The following CES2 variants were observed in gnomAD, a reference collection of about 807,000 sequenced individuals.
CES2 encodes cocaine esterase.
In CES2, 42 loss-of-function variants were observed where a neutral mutation model predicts 52.1. That is an observed-to-expected ratio of 0.81 (90% CI 0.63 to 1.04). The LOEUF is 1.04. Among genes scored for constraint, CES2 ranks in the 50% least tolerant of loss-of-function variants. The probability of loss-of-function intolerance (pLI) is 0.00; values close to 1 mark genes in which losing one functional copy is unlikely to be tolerated. For missense variants in CES2, 656 were observed against 724.3 expected (o/e 0.91, Z 1.08); for synonymous variants, 277 against 289.6 (o/e 0.96, Z 0.44).
At position 66,943,512 on chromosome 16, in the gene CES2, TCAGA is replaced by T. The variant is rs1485796636; in HGVS notation, c.1493+145_1493+148del. 1.4e-5 allele frequency: 12 copies of T among 845,724 alleles called. No individual in the cohort carries two copies. The highest frequency in any genetic ancestry group is 2.1e-5 in the Non-Finnish European group (11 of 530,230). 52.4% of individuals were successfully genotyped at this position (845,724 alleles called of 1,614,324 possible). A position where few individuals can be genotyped will look rare whatever the true frequency, so the allele number is the denominator to read the frequency against. ...CCCCTTCCCCAGCTCCGGGACCCAC[TCAGA>T]CAGGGTGGGGGTGCGTGGGGCAGTG... On this transcript the variant is annotated intron_variant, in intron 11 of 11. Transcript: ENST00000317091. This position sits in a 1 kb window ranked among gnomAD's most constrained non-coding sequence, Gnocchi z 4.2.
rs113299322 is a variant in CES2 at position 66,935,975 on chromosome 16, G to A, written c.76+264G>A. ...CAGGAGCGCCGGGACATGCCAGGCC[G>A]GGTAGGCAGCCTGGGGTCGGAGTGG... On this transcript the variant is annotated intron_variant, in intron 1 of 11. Coordinates refer to ENST00000317091, the MANE Select transcript of CES2 (RefSeq NM_001365405.1). 24 of 1,398,722 alleles carry A rather than the reference G, an allele frequency of 1.7e-5. No homozygotes were observed. The South Asian group carries it at 2.9e-4, about 17-fold the overall frequency. The allele number at this position is 1,398,722 out of a possible 1,614,324, so 86.6% of individuals were successfully genotyped here. A position where few individuals can be genotyped will look rare whatever the true frequency, so the allele number is the denominator to read the frequency against.
chr16:66,935,852 C>T (rs1232888453), intron 1 of CES2, 141 bp downstream of exon 1: 13 of 1,529,000 alleles, frequency 8.5e-6, no homozygotes, highest in Non-Finnish European at 1.1e-5. Flanking sequence ...GTGAGCCCCA[C>T]GCAACGCCTC....
intron 1 of CES2, among the ~76,000 whole-genome samples, 195 bp from the exon 2 acceptor site, chr16:66,937,842 C>T (rs1963250834): frequency 6.6e-6 from 1 of 152,172 alleles, no homozygotes; most frequent in African/African-American, 2.4e-5. Context: ...GGAGCCTCAG[C>T]CTGGTGGGAT....
At position 66,940,750 on chromosome 16, in the gene CES2, A is replaced by C. The variant is rs572455409; in HGVS notation, c.816+55A>C. 2.1e-5 allele frequency: 33 copies of C among 1,579,542 alleles called. No individual in the cohort carries two copies. In the East Asian group the frequency reaches 6.8e-4, roughly 32 times the overall value. On this transcript the variant is annotated intron_variant, in intron 5 of 11. Transcript: ENST00000317091. ...CCTGCTCCCTCCCCTCATATCCCTCAGAGCCTCTGTCTGTTAAACGGGGAT... is the reference window on the plus strand; with the variant it reads ...CCTGCTCCCTCCCCTCATATCCCTCCGAGCCTCTGTCTGTTAAACGGGGAT...
chr16:66,941,966 G>C (rs1963376946), intron 8 of CES2, 118 bp downstream of exon 8: 2 of 1,530,940 alleles, frequency 1.3e-6, no homozygotes, highest in Non-Finnish European at 1.8e-6. Context: ...AAAGGCCTGG[G>C]TGTGTGTGTT....
intron 2 of CES2, among the ~76,000 whole-genome samples, chr16:66,938,893 G>A (rs931640760): frequency 2.6e-5 from 4 of 152,142 alleles, no homozygotes; most frequent in Admixed American, 2.0e-4. Flanking sequence ...CAGGCCTTAC[G>A]GGTTACAGGA....
intron 1 of CES2, among the ~76,000 whole-genome samples, chr16:66,937,542 A>G (rs1053650035): frequency 2.0e-5 from 3 of 152,154 alleles, no homozygotes; most frequent in Non-Finnish European, 2.9e-5. Context: ...GAGTCCCACT[A>G]TGGTCCCCAG....
In CES2 at chr16:66,945,001, G is replaced by C. The variant is rs1963460210; in HGVS notation, c.*976G>C. 1 of 152,170 alleles carries C rather than the reference G, an allele frequency of 6.6e-6. No individual in the cohort carries two copies. The highest frequency in any genetic ancestry group is 2.1e-4 in the South Asian group (1 of 4,832). 9.4% of individuals were successfully genotyped at this position (152,170 alleles called of 1,614,324 possible). On this transcript the variant is annotated 3_prime_UTR_variant, in exon 12 of 12. Transcript: ENST00000317091. ...CCCAGGCCTTTTCCACTTTGAGGGAGGTGCTTCGAAGAATGTTGCCCACAC... is the reference window on the plus strand; with the variant it reads ...CCCAGGCCTTTTCCACTTTGAGGGACGTGCTTCGAAGAATGTTGCCCACAC...
chr16:66,940,376 G>A lies in CES2; in HGVS notation c.557+21G>A, dbSNP rs200252180. On this transcript the variant is annotated intron_variant, in intron 4 of 11. Coordinates refer to ENST00000317091, the MANE Select transcript of CES2 (RefSeq NM_001365405.1). ...TTCAGGTGAGACTAGGGCTGGGCTG[G>A]GCAACCCGGGCTGAGCGGGGCCAGG... 1.1e-3 allele frequency: 1,773 copies of A among 1,614,152 alleles called. 29 individuals carry two copies. In the South Asian group the frequency reaches 0.014, roughly 13 times the overall value.
chr16:66,937,793 T>C (rs1185666328), intron 1 of CES2, among the ~76,000 whole-genome samples: 1 of 152,176 alleles, frequency 6.6e-6, no homozygotes, highest in Non-Finnish European at 1.5e-5. Flanking sequence ...GACCCTTTGT[T>C]TGAAGGTCCT....
rs777255788 is a variant in CES2, at chr16:66,943,873, C to T, written c.1528C>T (p.Leu510=). 1 of 1,605,758 alleles carries T rather than the reference C, an allele frequency of 6.2e-7. No homozygotes were observed. The highest frequency in any genetic ancestry group is 8.5e-7 in the Non-Finnish European group (1 of 1,174,136). The part of the protein sequence containing the change: ...PNGEGLPHWP[L]FDQEEQYLQL... ...TGGCGAGGGTCTGCCACACTGGCCG[C>T]TGTTCGACCAGGAGGAGCAATACCT... is the stretch of plus-strand genomic sequence containing the variant. Residue 510 remains leucine (L), a synonymous_variant, in exon 12 of 12, where the codon CTG becomes TTG. Coordinates refer to ENST00000317091, the MANE Select transcript of CES2 (RefSeq NM_001365405.1). This position sits in a 1 kb window ranked among gnomAD's most constrained non-coding sequence, Gnocchi z 4.2.
At chr16:66,941,675 C>A (rs776814663) in intron 7 of CES2, 29 bp downstream of exon 7, 1 of 1,613,228 alleles carries the variant, frequency 6.2e-7, no homozygotes, top group South Asian at 1.1e-5. Flanking sequence ...CCACAAGTGC[C>A]TGGGGAGCCC....
chr16:66,942,416 T>C, intron 9 of CES2, 167 bp downstream of exon 9: 1 of 845,224 alleles, frequency 1.2e-6, no homozygotes. Context: ...GAATCCGACA[T>C]TTCCCCCATT....
Position 66,941,460 on chromosome 16 carries a change from A to T in CES2, c.916-46A>T, listed in dbSNP as rs1413832642. The T allele has an allele frequency of 1.9e-6, 3 of 1,605,896 alleles. No individual in the cohort carries two copies. The Admixed American group carries it at 5.0e-5, about 27-fold the overall frequency. On this transcript the variant is annotated intron_variant, in intron 6 of 11. Transcript: ENST00000317091. ...GAAGGTACTCAGAGGGCATCGGAAG[A>T]TGTCTGGGACCTGACCTTGTTCCCT...
intron 3 of CES2, 131 bp from the exon 4 acceptor site, chr16:66,940,091 C>T: frequency 7.8e-7 from 1 of 1,284,240 alleles, no homozygotes. Flanking sequence ...ACCATTTGCC[C>T]ATGTAATGAA....
At chr16:66,940,072 G>T (rs1410886264) in intron 3 of CES2, 150 bp from the exon 4 acceptor site, 1 of 1,034,584 alleles carries the variant, frequency 9.7e-7, no homozygotes, top group Non-Finnish European at 1.4e-6. Context: ...GATAGATCTT[G>T]GGTGCCTAAC....
chr16:66,940,771 G>T, intron 5 of CES2, 76 bp downstream of exon 5: 1 of 1,520,290 alleles, frequency 6.6e-7, no homozygotes. Context: ...CTGTTAAACG[G>T]GGATGACAAG....
At chr16:66,939,533 G>A (rs1037070384) in intron 3 of CES2, among the ~76,000 whole-genome samples, 175 bp downstream of exon 3, 6 of 152,226 alleles carry the variant, frequency 3.9e-5, no homozygotes, top group Admixed American at 2.6e-4. Context: ...CTGGACATGG[G>A]GTCACAGAGT....
intron 1 of CES2, chr16:66,935,946 GC>G: frequency 3.5e-6 from 5 of 1,422,394 alleles, no homozygotes; most frequent in Non-Finnish European, 4.6e-6. Context: ...GAGTACAGGG[GC>G]CCCAGGAGCG....
Sources: allele counts gnomAD v4.1 joint callset (sites outside exome capture counted in the v4.1 genomes callset), GRCh38; gene constraint gnomAD v4.1.1; non-coding constraint Gnocchi (gnomAD v3.1); transcripts MANE v1.5; gene names NCBI Gene and HGNC (gene_info 2026-07-23, HGNC 2026-07-21).